LYPD6: variants seen among roughly 807,000 people sequenced by gnomAD.
LYPD6 encodes LY6/PLAUR domain containing 6.
Under a neutral mutation model 22.7 loss-of-function variants are expected in LYPD6, and 15 were observed. The observed-to-expected ratio is 0.66, with a 90% CI of 0.44 to 1.02. The LOEUF is 1.02. Ranked by LOEUF, LYPD6 falls within the 50% of genes least tolerant of loss-of-function variation. LYPD6 has a pLI of 0.00. For synonymous variants in LYPD6, 72 were observed against 77.5 expected, an observed-to-expected ratio of 0.93 and a Z score of 0.37; for missense variants, 189 against 208.4, an observed-to-expected ratio of 0.91 and a Z score of 0.57.
chr2:149,387,393 G>T (rs1468013694), intron 1 of LYPD6, among the ~76,000 whole-genome samples: 4 of 152,184 alleles, frequency 2.6e-5, no homozygotes, highest in African/African-American at 7.2e-5. Context: ...AAGCAAACTG[G>T]CATTCAGTTC....
At chr2:149,389,391 T>C (rs1682260311) in intron 1 of LYPD6, among the ~76,000 whole-genome samples, 1 of 152,126 alleles carries the variant, frequency 6.6e-6, no homozygotes, top group African/African-American at 2.4e-5. Flanking sequence ...TAAAATTTTG[T>C]GGCATAAAAA....
At chr2:149,349,826 T>C (rs1681326070) in intron 1 of LYPD6, among the ~76,000 whole-genome samples, 1 of 152,226 alleles carries the variant, frequency 6.6e-6, no homozygotes, top group African/African-American at 2.4e-5. Context: ...CAGCCTGGAA[T>C]TTGAATTTAG....
chr2:149,341,393 T>C (rs1367074504), intron 1 of LYPD6, among the ~76,000 whole-genome samples: 1 of 152,196 alleles, frequency 6.6e-6, no homozygotes, highest in Non-Finnish European at 1.5e-5. Flanking sequence ...CGTATACCTG[T>C]ATTTTGTAGT....
At chr2:149,371,347 T>G (rs1559128005) in intron 1 of LYPD6, among the ~76,000 whole-genome samples, 2 of 152,234 alleles carry the variant, frequency 1.3e-5, no homozygotes, top group Non-Finnish European at 1.5e-5. Flanking sequence ...TCCATGCATC[T>G]TTAGCAAGGC....
intron 1 of LYPD6, among the ~76,000 whole-genome samples, chr2:149,400,291 T>G (rs1485626173): frequency 2.0e-5 from 3 of 152,210 alleles, no homozygotes; most frequent in Non-Finnish European, 4.4e-5. Context: ...GACATGGATT[T>G]GAGAACCCTT....
At chr2:149,337,920 A>G (rs957229223) in intron 1 of LYPD6, among the ~76,000 whole-genome samples, 3 of 152,150 alleles carry the variant, frequency 2.0e-5, no homozygotes, top group African/African-American at 7.2e-5. Flanking sequence ...CACTTAGGAT[A>G]ATGGCCTCCA....
intron 2 of LYPD6, among the ~76,000 whole-genome samples, chr2:149,438,190 G>A (rs953917216): frequency 3.9e-5 from 6 of 152,172 alleles, no homozygotes; most frequent in Admixed American, 1.3e-4. Flanking sequence ...ATAATAGCTG[G>A]TCTTCCTCTC....
At chr2:149,345,306 AT>A (rs3073147) in intron 1 of LYPD6, among the ~76,000 whole-genome samples, 102 of 127,292 alleles carry the variant, frequency 8.0e-4, no homozygotes, top group East Asian at 1.1e-3. Flanking sequence ...CTTAATTTAA[AT>A]TTTTTTTTTT....
At chr2:149,397,108 C>T (rs912776146) in intron 1 of LYPD6, among the ~76,000 whole-genome samples, 9 of 152,104 alleles carry the variant, frequency 5.9e-5, no homozygotes, top group East Asian at 3.8e-4. Context: ...TCATCGGTGT[C>T]GAACCTGTGG....
At chr2:149,336,380 G>A (rs971328154) in intron 1 of LYPD6, among the ~76,000 whole-genome samples, 2 of 152,160 alleles carry the variant, frequency 1.3e-5, no homozygotes, top group African/African-American at 2.4e-5. Context: ...GAAGATAAGT[G>A]TACTTGGAAA....
intron 1 of LYPD6, among the ~76,000 whole-genome samples, chr2:149,392,037 CCAATTTGGG>C (rs762919322): frequency 1.3e-5 from 2 of 152,190 alleles, no homozygotes; most frequent in Non-Finnish European, 2.9e-5. Context: ...AAGGTGCCAG[CCAATTTGGG>C]TCTTGGTGAG....
intron 1 of LYPD6, among the ~76,000 whole-genome samples, chr2:149,363,579 A>C (rs767726180): frequency 4.6e-5 from 7 of 152,130 alleles, no homozygotes; most frequent in Non-Finnish European, 1.0e-4. Context: ...GCTAGATTTG[A>C]ATATTGATGC....
chr2:149,418,222 T>C (rs1471546828), intron 1 of LYPD6, among the ~76,000 whole-genome samples: 2 of 152,182 alleles, frequency 1.3e-5, no homozygotes, highest in Non-Finnish European at 2.9e-5. Flanking sequence ...TTCCAGGCAA[T>C]ATGGAAATTC....
chr2:149,480,095 C>T, the LYPD6 span, among the ~76,000 whole-genome samples: 8 of 151,888 alleles, frequency 5.3e-5, no homozygotes, highest in African/African-American at 1.4e-4. Context: ...CGTCAACCTC[C>T]GCCTCCCAGG....
intron 1 of LYPD6, among the ~76,000 whole-genome samples, chr2:149,413,409 G>A (rs367721078): frequency 6.6e-6 from 1 of 151,762 alleles, no homozygotes; most frequent in African/African-American, 2.4e-5. Context: ...TGACGAGATA[G>A]AGAGAGAGAG....
At chr2:149,353,869 G>A (rs1403515655) in intron 1 of LYPD6, among the ~76,000 whole-genome samples, 1 of 152,114 alleles carries the variant, frequency 6.6e-6, no homozygotes, top group African/African-American at 2.4e-5. Context: ...GAGAGATGAT[G>A]GTGGAAACAG....
chr2:149,371,095 C>T (rs945357211), intron 1 of LYPD6, among the ~76,000 whole-genome samples: 6 of 152,198 alleles, frequency 3.9e-5, no homozygotes, highest in Non-Finnish European at 5.9e-5. Flanking sequence ...GAGAGGATCC[C>T]ACTCTGTTGC....
chr2:149,377,202 CT>C lies in LYPD6; in HGVS notation c.-72+46492del, dbSNP rs113079309. Among the ~76,000 whole-genome samples the C allele has an allele frequency of 1.1e-3, 161 of 144,980 alleles. 1 individual carries two copies. Among genetic ancestry groups the C allele is most frequent in the South Asian group, 8.3e-3 (38 of 4,574 alleles). ...AGATGACTCTTTTCTTTCTTTTTTC[CT>C]TTTTTTTTTTTCTTGGAAACATGCG... On this transcript the variant is annotated intron_variant, in intron 1 of 4. Coordinates refer to ENST00000334166, the MANE Select transcript of LYPD6 (RefSeq NM_194317.5).
the LYPD6 span, among the ~76,000 whole-genome samples, chr2:149,483,719 A>G: frequency 1.3e-5 from 2 of 152,248 alleles, no homozygotes; most frequent in Admixed American, 6.5e-5. Context: ...ATGTAAGCAT[A>G]TATCAAAGCA....
Sources: allele counts gnomAD v4.1 joint callset (sites outside exome capture counted in the v4.1 genomes callset), GRCh38; gene constraint gnomAD v4.1.1; transcripts MANE v1.5; gene names NCBI Gene and HGNC (gene_info 2026-07-23, HGNC 2026-07-21).